CCSER1: variants seen among roughly 807,000 people sequenced by gnomAD.
CCSER1 encodes coiled-coil serine rich protein 1, also known as serine-rich coiled-coil domain-containing protein 1.
In CCSER1, 41 loss-of-function variants were observed where a neutral mutation model predicts 82.0. The ratio of observed to expected loss-of-function variants is 0.50; its 90% CI spans 0.39 to 0.65. The LOEUF (loss-of-function observed/expected upper bound fraction) is 0.65, where lower values mean the gene tolerates loss of function less well. Ranked by LOEUF, CCSER1 falls within the 30% of genes least tolerant of loss-of-function variation. The probability of loss-of-function intolerance (pLI) is 0.00; values close to 1 mark genes in which losing one functional copy is unlikely to be tolerated. For missense variants in CCSER1, 1,119 were observed against 1,064.2 expected, an observed-to-expected ratio of 1.05 and a Z score of -0.72; for synonymous variants, 414 against 383.9, an observed-to-expected ratio of 1.08 and a Z score of -0.92.
At chr4:91,294,197 A>G (rs1743983895) in intron 10 of CCSER1, among the ~76,000 whole-genome samples, 2 of 151,982 alleles carry the variant, frequency 1.3e-5, no homozygotes, top group Admixed American at 1.3e-4. Context: ...TTGAATTTTT[A>G]TGATACTCAT....
intron 3 of CCSER1, among the ~76,000 whole-genome samples, chr4:90,373,438 G>A (rs1263550779): frequency 1.3e-5 from 2 of 152,102 alleles, no homozygotes; most frequent in African/African-American, 4.8e-5. Flanking sequence ...TTAATATGGT[G>A]CAATATGGTT....
chr4:90,734,510 T>G (rs2149417228), intron 7 of CCSER1, among the ~76,000 whole-genome samples: 1 of 152,182 alleles, frequency 6.6e-6, no homozygotes, highest in East Asian at 1.9e-4. Flanking sequence ...TTTATGGTTT[T>G]CATTGTAGAG....
intron 5 of CCSER1, among the ~76,000 whole-genome samples, chr4:90,574,425 C>T (rs13112439): frequency 4.0e-5 from 6 of 150,568 alleles, no homozygotes; most frequent in East Asian, 2.0e-4. Context: ...CCCGCCACCG[C>T]GCCCGGCTAA....
chr4:91,019,735 A>G (rs1418770625), intron 9 of CCSER1, among the ~76,000 whole-genome samples: 1 of 152,206 alleles, frequency 6.6e-6, no homozygotes, highest in Non-Finnish European at 1.5e-5. Context: ...AGCGAATTAC[A>G]TGAAAATCCC....
chr4:91,047,859 TAA>T (rs376180715), intron 9 of CCSER1, among the ~76,000 whole-genome samples: 253 of 152,280 alleles, frequency 1.7e-3, no homozygotes, highest in African/African-American at 5.9e-3. Flanking sequence ...TCAAGAATCT[TAA>T]AGTTTCTTAA....
At chr4:91,077,391 T>C (rs1722115325) in intron 9 of CCSER1, among the ~76,000 whole-genome samples, 1 of 152,188 alleles carries the variant, frequency 6.6e-6, no homozygotes, top group Non-Finnish European at 1.5e-5. Context: ...AAATTTATAA[T>C]ATCTGGCAAC....
chr4:90,571,072 A>G (rs1238342569), intron 5 of CCSER1, among the ~76,000 whole-genome samples: 8 of 152,276 alleles, frequency 5.3e-5, no homozygotes, highest in Admixed American at 2.0e-4. Context: ...ATTAAAAAGT[A>G]AAAAATAACA....
chr4:90,828,819 A>G (rs984811223), intron 8 of CCSER1, among the ~76,000 whole-genome samples: 4 of 152,206 alleles, frequency 2.6e-5, no homozygotes, highest in Admixed American at 2.6e-4. Flanking sequence ...TAAAATTTAT[A>G]TCGTATTTTT....
intron 3 of CCSER1, among the ~76,000 whole-genome samples, chr4:90,318,534 TAGA>T (rs1274102898): frequency 6.6e-6 from 1 of 152,230 alleles, no homozygotes; most frequent in Admixed American, 6.5e-5. Flanking sequence ...AGGACTTTGG[TAGA>T]AGAACAAATC....
chr4:91,174,867 C>T (rs188321600), intron 10 of CCSER1, among the ~76,000 whole-genome samples: 14 of 150,054 alleles, frequency 9.3e-5, no homozygotes, highest in Admixed American at 7.3e-4. Context: ...TACATGTGCA[C>T]GACATGCAGA....
In CCSER1 at chr4:90,353,249, A is replaced by G. The variant is rs549767564; in HGVS notation, c.1509+40202A>G. 3.2e-4 allele frequency among the ~76,000 whole-genome samples: 48 copies of G among 152,290 alleles called. 1 individual carries two copies. Among genetic ancestry groups the G allele is most frequent in the African/African-American group, 1.1e-3 (45 of 41,572 alleles). ...ACCTGGGATTTGAAGTAGCATACAT[A>G]TAGCTAGAGTGAAGAATGTATGCAG... On this transcript the variant is annotated intron_variant, in intron 3 of 10. Transcript: ENST00000509176.
At chr4:90,436,553 T>C (rs1759014538) in intron 4 of CCSER1, among the ~76,000 whole-genome samples, 1 of 152,152 alleles carries the variant, frequency 6.6e-6, no homozygotes, top group African/African-American at 2.4e-5. Context: ...AATTTTAGTT[T>C]TCAGTGTATT....
intron 5 of CCSER1, among the ~76,000 whole-genome samples, chr4:90,596,370 G>A (rs893049649): frequency 2.0e-5 from 3 of 151,500 alleles, no homozygotes; most frequent in Non-Finnish European, 4.4e-5. Context: ...TTTCATTATG[G>A]TGAAGTAAAA....
intron 10 of CCSER1, among the ~76,000 whole-genome samples, chr4:91,439,234 A>C (rs1256343487): frequency 1.3e-5 from 2 of 152,218 alleles, no homozygotes; most frequent in Non-Finnish European, 2.9e-5. Context: ...CCAGAGAGAA[A>C]GGTCGGGTTA....
chr4:90,988,938 C>T (rs1736806380), intron 9 of CCSER1, among the ~76,000 whole-genome samples: 2 of 151,680 alleles, frequency 1.3e-5, no homozygotes, highest in Admixed American at 6.6e-5. Context: ...AATCAACAGA[C>T]TTGGCTAGAC....
intron 10 of CCSER1, among the ~76,000 whole-genome samples, chr4:91,233,575 T>A (rs762587434): frequency 6.6e-6 from 1 of 151,990 alleles, no homozygotes; most frequent in Non-Finnish European, 1.5e-5. Flanking sequence ...GGTTTTTCTG[T>A]TTGCTTACTT....
At chr4:90,845,742 A>G (rs1336230913) in intron 8 of CCSER1, among the ~76,000 whole-genome samples, 2 of 151,890 alleles carry the variant, frequency 1.3e-5, no homozygotes, top group East Asian at 1.9e-4. Context: ...CAACAAAAGT[A>G]TATTTTCAGT....
intron 1 of CCSER1, among the ~76,000 whole-genome samples, chr4:90,264,876 T>C (rs998085311): frequency 7.2e-5 from 11 of 152,106 alleles, no homozygotes; most frequent in African/African-American, 2.7e-4. Flanking sequence ...AATTTATTCG[T>C]TTATAAAAAG....
chr4:90,239,606 GTCC>G (rs2153433561), intron 1 of CCSER1, among the ~76,000 whole-genome samples: 1 of 152,164 alleles, frequency 6.6e-6, no homozygotes, highest in Admixed American at 6.5e-5. Context: ...GGCACAAACA[GTCC>G]TCCTGCCTTA....
Sources: gnomAD v4.1 joint callset for allele counts (sites outside exome capture counted in the v4.1 genomes callset) on GRCh38, gnomAD v4.1.1 for gene constraint, MANE v1.5 for transcripts, NCBI Gene and HGNC (gene_info 2026-07-23, HGNC 2026-07-21) for gene names.